The following FANCD2 variants were observed in gnomAD, a reference collection of about 807,000 sequenced individuals.
FANCD2 encodes FA complementation group D2, also known as Fanconi anemia group D2 protein.
Under a neutral mutation model 192.3 loss-of-function variants are expected in FANCD2, and 131 were observed. That is an observed-to-expected ratio of 0.68 (90% CI 0.59 to 0.79). The LOEUF is 0.79. Ranked by LOEUF, FANCD2 falls within the 30% of genes least tolerant of loss-of-function variation. The pLI is 0.00. For missense variants in FANCD2, 1,508 were observed against 1,701.6 expected (o/e 0.89, Z 2.00); for synonymous variants, 524 against 612.5 (o/e 0.86, Z 2.13).
Position 10,041,836 on chromosome 3 carries a change from A to ACC in FANCD2, c.783+126_783+127insCC. ...GAAACCATAGTGAATCACATTTGATATCTCTCTTTTTTTTTTTTTTTCCCC... is the reference window on the plus strand; with the variant it reads ...GAAACCATAGTGAATCACATTTGATACCTCTCTCTTTTTTTTTTTTTTTCCCC... On this transcript the variant is annotated intron_variant, in intron 10 of 43. Transcript: ENST00000675286. 4 of 670,386 alleles carry ACC rather than the reference A, an allele frequency of 6.0e-6. No individual in the cohort carries two copies. The South Asian group carries it at 6.4e-5, about 11-fold the overall frequency. The allele number at this position is 670,386 out of a possible 1,614,324, so 41.5% of individuals were successfully genotyped here.
chr3:10,061,848 C>A (rs2087576649), intron 19 of FANCD2, among the ~76,000 whole-genome samples: 1 of 151,438 alleles, frequency 6.6e-6, no homozygotes. Flanking sequence ...CAAAATATTA[C>A]AAAAGTGAAA....
intron 7 of FANCD2, among the ~76,000 whole-genome samples, chr3:10,037,295 A>T (rs2086756011): frequency 1.3e-5 from 2 of 152,230 alleles, no homozygotes; most frequent in African/African-American, 4.8e-5. Flanking sequence ...GTATCAAAAT[A>T]GTAAATAATA....
In FANCD2 at chr3:10,089,346, G is replaced by T. The variant is rs561313038; in HGVS notation, c.3683+396G>T. ...TATATAGCTTCCACACAACTGCCTT[G>T]CTCCTCCTCATCTAATTCTGATACA... On this transcript the variant is annotated intron_variant, in intron 36 of 43. Transcript: ENST00000675286. Among the ~76,000 whole-genome samples, 6 of 151,850 alleles carry T rather than the reference G, an allele frequency of 4.0e-5. 1 individual carries two copies. The South Asian group carries it at 1.2e-3, about 32-fold the overall frequency.
chr3:10,046,055 C>CT lies in FANCD2; in HGVS notation c.1135-510dup, dbSNP rs57661428. Among the ~76,000 whole-genome samples the CT allele has an allele frequency of 3.4e-3, 421 of 124,378 alleles. 15 individuals are homozygous for CT. Among genetic ancestry groups the CT allele is most frequent in the South Asian group, 0.026 (101 of 3,908 alleles). 81.6% of individuals were successfully genotyped at this position (124,378 alleles called of 152,430 possible). On this transcript the variant is annotated intron_variant, in intron 14 of 43. Coordinates refer to ENST00000675286, the MANE Select transcript of FANCD2 (RefSeq NM_001018115.3). ...ACTTTCATGCATATTGCTCTGTATT[C>CT]TTTTTTTTTTTTTTTGAGAATGGAA...
intron 9 of FANCD2, chr3:10,041,211 A>G (rs762381442): frequency 3.5e-5 from 8 of 228,738 alleles, no homozygotes; most frequent in Non-Finnish European, 6.9e-5. Context: ...AAAAACAAAC[A>G]AACAAAAAAA....
intron 14 of FANCD2, among the ~76,000 whole-genome samples, chr3:10,045,116 C>T (rs1042924982): frequency 7.4e-6 from 1 of 134,554 alleles, no homozygotes; most frequent in African/African-American, 3.2e-5. Flanking sequence ...GAAGCATAGA[C>T]TCAGGTTGCC....
Position 10,037,330 on chromosome 3 carries a change from A to T in FANCD2, c.491+991A>T, listed in dbSNP as rs117703947. Among the ~76,000 whole-genome samples, 39 of 152,222 alleles carry T rather than the reference A, an allele frequency of 2.6e-4. No individual in the cohort carries two copies. In the East Asian group the frequency reaches 6.2e-3, roughly 24 times the overall value. ...AACTATTACACAGTAAAATAAATGC[A>T]TTTTTTCCTACTCTCAAAGGGTCTC... On this transcript the variant is annotated intron_variant, in intron 7 of 43. Coordinates refer to ENST00000675286, the MANE Select transcript of FANCD2 (RefSeq NM_001018115.3).
intron 30 of FANCD2, 137 bp from the exon 31 acceptor site, chr3:10,080,963 C>G (rs776200840): frequency 2.2e-6 from 2 of 900,818 alleles, no homozygotes; most frequent in Non-Finnish European, 3.6e-6. Flanking sequence ...TGTCAGAATA[C>G]AGTCTTAGGT....
intron 26 of FANCD2, among the ~76,000 whole-genome samples, chr3:10,071,642 A>T (rs1202907030): frequency 2.0e-5 from 3 of 152,184 alleles, no homozygotes; most frequent in Non-Finnish European, 4.4e-5. Flanking sequence ...TAACTCATGG[A>T]GATAGAGTAG....
At chr3:10,056,542 A>G (rs1299543285) in intron 18 of FANCD2, among the ~76,000 whole-genome samples, 1 of 151,916 alleles carries the variant, frequency 6.6e-6, no homozygotes. Flanking sequence ...AAAAATTATT[A>G]TTATTTTTAG....
intron 37 of FANCD2, among the ~76,000 whole-genome samples, chr3:10,091,596 A>C (rs947987237): frequency 6.6e-6 from 1 of 151,966 alleles, no homozygotes; most frequent in Non-Finnish European, 1.5e-5. Context: ...CAGTATCTCA[A>C]ACAGGCTGGC....
chr3:10,085,835 A>G lies in FANCD2; in HGVS notation c.3248A>G (p.Asn1083Ser), dbSNP rs1180577651. The G allele has an allele frequency of 9.9e-6, 16 of 1,613,468 alleles. No homozygotes were observed. The highest frequency in any genetic ancestry group is 1.3e-5 in the Non-Finnish European group (15 of 1,179,560). ...FAWSGFSQPENQNLLYSALHV... is the reference protein window; with the variant it reads ...FAWSGFSQPESQNLLYSALHV... ...AGGAGTGGATTTTCTCAACCTGAAA[A>G]TCAGAATTTACTGTATTCAGCCCTC... Residue 1083 changes from asparagine to serine, a missense_variant, in exon 33 of 44, where the codon AAT becomes AGT. Asn to Ser is a conservative substitution (Grantham distance 46). Transcript: ENST00000675286.
chr3:10,046,074 A>G (rs1575755154), intron 14 of FANCD2, among the ~76,000 whole-genome samples: 2 of 86,398 alleles, frequency 2.3e-5, no homozygotes, highest in South Asian at 6.5e-4. Flanking sequence ...TTTTTTTGAG[A>G]ATGGAATCTC....
rs535354465 is a variant in FANCD2 at position 10,100,940 on chromosome 3, A to G, written c.4282-248A>G. Among the ~76,000 whole-genome samples the G allele has an allele frequency of 3.3e-5, 5 of 152,164 alleles. No individual in the cohort carries two copies. In the South Asian group the frequency reaches 1.0e-3, roughly 32 times the overall value. ...AAAAATTAGCCGGGCGTGGTGGCACATGCCTGTAATCCCAGCTACTTGGGA... is the reference window on the plus strand; with the variant it reads ...AAAAATTAGCCGGGCGTGGTGGCACGTGCCTGTAATCCCAGCTACTTGGGA... On this transcript the variant is annotated intron_variant, in intron 43 of 43. Coordinates refer to ENST00000675286, the MANE Select transcript of FANCD2 (RefSeq NM_001018115.3).
chr3:10,074,118 G>A (rs1218039509), intron 28 of FANCD2, among the ~76,000 whole-genome samples: 1 of 152,076 alleles, frequency 6.6e-6, no homozygotes, highest in African/African-American at 2.4e-5. Flanking sequence ...GCTAATTTTT[G>A]TATTTTTAGT....
At chr3:10,062,409 T>C (rs1048235974) in intron 20 of FANCD2, among the ~76,000 whole-genome samples, 198 bp downstream of exon 20, 21 of 151,916 alleles carry the variant, frequency 1.4e-4, no homozygotes, top group Non-Finnish European at 3.1e-4. Flanking sequence ...CCCGGCTAAT[T>C]TTTTATGTTT....
intron 29 of FANCD2, 63 bp downstream of exon 29, chr3:10,074,736 T>A: frequency 2.6e-6 from 4 of 1,514,314 alleles, no homozygotes; most frequent in African/African-American, 2.7e-5. Flanking sequence ...AGGTCTATTC[T>A]TATTTCACAA....
At chr3:10,088,291 A>G (rs1694357215) in intron 34 of FANCD2, among the ~76,000 whole-genome samples, 158 bp from the exon 35 acceptor site, 1 of 152,214 alleles carries the variant, frequency 6.6e-6, no homozygotes, top group Admixed American at 6.5e-5. Context: ...GTGGATCAGG[A>G]ACGTGACAGC....
At chr3:10,046,423 A>C (rs2087012399) in intron 14 of FANCD2, 157 bp from the exon 15 acceptor site, 1 of 1,236,764 alleles carries the variant, frequency 8.1e-7, no homozygotes, top group Non-Finnish European at 1.1e-6. Flanking sequence ...AATATTTCTG[A>C]GTTTTGTGAA....
Sources: gnomAD v4.1 joint callset for allele counts (sites outside exome capture counted in the v4.1 genomes callset) on GRCh38, gnomAD v4.1.1 for gene constraint, MANE v1.5 for transcripts, NCBI Gene and HGNC (gene_info 2026-07-23, HGNC 2026-07-21) for gene names.